ZBBX: variants seen among roughly 807,000 people sequenced by gnomAD.
ZBBX encodes zinc finger B-box domain-containing protein 1.
A neutral mutation model predicts 108.5 loss-of-function variants in ZBBX; 101 were observed. The observed-to-expected ratio is 0.93, with a 90% CI of 0.79 to 1.10. The LOEUF is 1.10. Among genes scored for constraint, ZBBX ranks in the 50% least tolerant of loss-of-function variants. ZBBX has a pLI of 0.00. For missense variants in ZBBX, 1,009 were observed against 941.4 expected (o/e 1.07, Z -0.94); for synonymous variants, 356 against 323.4 (o/e 1.10, Z -1.08).
At chr3:167,389,483 G>A (rs1748024730) in intron 1 of ZBBX, among the ~76,000 whole-genome samples, 1 of 151,970 alleles carries the variant, frequency 6.6e-6, no homozygotes, top group Non-Finnish European at 1.5e-5. Context: ...TAATCCTTTG[G>A]GTATATACTC....
rs775700752 is a variant in ZBBX at position 167,314,125 on chromosome 3, T to G, written c.1275-9A>C. On this transcript the variant is annotated splice_polypyrimidine_tract_variant and intron_variant, in intron 15 of 21. Transcript: ENST00000675490. Reference sequence around the variant, plus strand: ...AATCATGAAAAGCACAACTTTCACATGTAGGAACAAACAAAATAATAGAGT... The same window carrying G: ...AATCATGAAAAGCACAACTTTCACAGGTAGGAACAAACAAAATAATAGAGT... 1 of 1,570,872 alleles carries G rather than the reference T, an allele frequency of 6.4e-7. No homozygotes were observed. The highest frequency in any genetic ancestry group is 1.2e-5 in the South Asian group (1 of 82,300).
chr3:167,345,526 T>C (rs1262526726), intron 9 of ZBBX, among the ~76,000 whole-genome samples: 1 of 151,882 alleles, frequency 6.6e-6, no homozygotes, highest in African/African-American at 2.4e-5. Flanking sequence ...AATATTTACA[T>C]ACCTGGACTC....
At chr3:167,355,745 C>A (rs1743463483) in intron 8 of ZBBX, among the ~76,000 whole-genome samples, 1 of 151,894 alleles carries the variant, frequency 6.6e-6, no homozygotes, top group Non-Finnish European at 1.5e-5. Context: ...TTTTAAATAG[C>A]TTTTTATTAT....
intron 1 of ZBBX, among the ~76,000 whole-genome samples, chr3:167,389,563 C>T (rs557067302): frequency 6.6e-6 from 1 of 152,240 alleles, no homozygotes; most frequent in South Asian, 2.1e-4. Flanking sequence ...CACTGTCTTC[C>T]ACATTGGTTG....
At chr3:167,272,192 C>T (rs193147875) in intron 20 of ZBBX, among the ~76,000 whole-genome samples, 3 of 152,320 alleles carry the variant, frequency 2.0e-5, no homozygotes, top group Admixed American at 2.0e-4. Context: ...ATAGGCCTTT[C>T]TCCTTATGAA....
the ZBBX span, among the ~76,000 whole-genome samples, chr3:167,198,242 C>T: frequency 6.6e-6 from 1 of 151,676 alleles, no homozygotes; most frequent in Non-Finnish European, 1.5e-5. Flanking sequence ...CAGAATCATA[C>T]CTATGCTTTC....
intron 16 of ZBBX, among the ~76,000 whole-genome samples, chr3:167,306,770 AT>A (rs768202110): frequency 1.1e-4 from 17 of 152,176 alleles, no homozygotes; most frequent in Non-Finnish European, 2.4e-4. Flanking sequence ...TACTACTTTC[AT>A]TTTAAATAAA....
chr3:167,400,260 A>T (rs1401783319), intron 1 of ZBBX, among the ~76,000 whole-genome samples: 3 of 152,102 alleles, frequency 2.0e-5, no homozygotes, highest in Admixed American at 2.0e-4. Context: ...TTATCTTTGT[A>T]GTTTTTTTAG....
chr3:167,345,786 G>A (rs532514932), intron 9 of ZBBX, among the ~76,000 whole-genome samples: 1 of 151,848 alleles, frequency 6.6e-6, no homozygotes, highest in East Asian at 1.9e-4. Flanking sequence ...AACAAAGCTG[G>A]AGGCATCACG....
chr3:167,301,073 T>A (rs1405646792), intron 17 of ZBBX, among the ~76,000 whole-genome samples: 1 of 152,142 alleles, frequency 6.6e-6, no homozygotes, highest in Non-Finnish European at 1.5e-5. Flanking sequence ...CTCTCTCTCC[T>A]CCCACTCATC....
rs536713905 is a variant in ZBBX, at chr3:167,241,307, T to C, written c.2394-388A>G. Among the ~76,000 whole-genome samples, 4 of 152,274 alleles carry C rather than the reference T, an allele frequency of 2.6e-5. No individual in the cohort carries two copies. The East Asian group carries it at 5.8e-4, about 22-fold the overall frequency. On this transcript the variant is annotated intron_variant, in intron 21 of 21. Coordinates refer to ENST00000675490, the MANE Select transcript of ZBBX (RefSeq NM_001199201.2). Reference sequence around the variant, plus strand: ...TAGACTGCCAGATAAATCATCTCTTTTGTATACTGTAAATTAGGACTATGT... The same window carrying C: ...TAGACTGCCAGATAAATCATCTCTTCTGTATACTGTAAATTAGGACTATGT...
At chr3:167,367,993 T>C (rs990506536) in intron 5 of ZBBX, among the ~76,000 whole-genome samples, 10 of 132,948 alleles carry the variant, frequency 7.5e-5, no homozygotes, top group African/African-American at 2.8e-4. Flanking sequence ...TATATACATA[T>C]ATATATGTAA....
chr3:167,256,067 G>T, intron 20 of ZBBX, among the ~76,000 whole-genome samples: 1 of 151,994 alleles, frequency 6.6e-6, no homozygotes, highest in Non-Finnish European at 1.5e-5. Flanking sequence ...AGTTCGTCTT[G>T]CTGTGCCTGG....
At chr3:167,331,821 A>G (rs1738682474) in intron 10 of ZBBX, among the ~76,000 whole-genome samples, 1 of 152,170 alleles carries the variant, frequency 6.6e-6, no homozygotes, top group Admixed American at 6.6e-5. Flanking sequence ...AAGAGCAAAA[A>G]AGCTAAGTAA....
chr3:167,281,455 A>C (rs545575415), intron 20 of ZBBX, among the ~76,000 whole-genome samples: 111 of 152,290 alleles, frequency 7.3e-4, no homozygotes, highest in Non-Finnish European at 1.2e-3. Context: ...AGAGACCACT[A>C]ACAGGAAAAA....
intron 1 of ZBBX, among the ~76,000 whole-genome samples, chr3:167,397,147 A>AAAAAAAAAAAAAAAAAAAAAAAG (rs1748264785): frequency 1.4e-5 from 2 of 141,288 alleles, no homozygotes; most frequent in African/African-American, 5.8e-5. Flanking sequence ...GGTGGTAAAA[A>AAAAAAAAAAAAAAAAAAAAAAAG]AAAAAAAAAA....
chr3:167,392,971 G>A (rs1489101745), intron 1 of ZBBX: 3 of 151,808 alleles, frequency 2.0e-5, no homozygotes, highest in Non-Finnish European at 4.4e-5. Flanking sequence ...AAAGCCATGG[G>A]ATGGAATGAG....
At chr3:167,262,940 T>C (rs1724806974) in intron 20 of ZBBX, among the ~76,000 whole-genome samples, 1 of 152,148 alleles carries the variant, frequency 6.6e-6, no homozygotes, top group Admixed American at 6.5e-5. Flanking sequence ...TTTGTGTTGT[T>C]TTCTTCCATT....
chr3:167,261,059 G>A (rs939671286), intron 20 of ZBBX, among the ~76,000 whole-genome samples: 3 of 152,208 alleles, frequency 2.0e-5, no homozygotes, highest in Non-Finnish European at 2.9e-5. Context: ...TCCTATGGAT[G>A]TGGATTCCTC....
Sources: gnomAD v4.1 joint callset for allele counts (sites outside exome capture counted in the v4.1 genomes callset) on GRCh38, gnomAD v4.1.1 for gene constraint, MANE v1.5 for transcripts, NCBI Gene and HGNC (gene_info 2026-07-23, HGNC 2026-07-21) for gene names.